PCDHGB6: variants seen among roughly 807,000 people sequenced by gnomAD.
PCDHGB6 encodes the protein protocadherin gamma-B6.
A neutral mutation model predicts 59.1 loss-of-function variants in PCDHGB6; 51 were observed. The observed-to-expected ratio is 0.86, with a 90% CI of 0.69 to 1.09. PCDHGB6 has a LOEUF of 1.09. PCDHGB6 is among the 50% of genes least tolerant of loss of function. PCDHGB6 has a pLI of 0.00. For synonymous variants in PCDHGB6, 466 were observed against 495.1 expected, an observed-to-expected ratio of 0.94 and a Z score of 0.78; for missense variants, 1,148 against 1,205.1, an observed-to-expected ratio of 0.95 and a Z score of 0.70.
chr5:141,481,689 C>T (rs1198127143), intron 1 of PCDHGB6, among the ~76,000 whole-genome samples: 1 of 152,102 alleles, frequency 6.6e-6, no homozygotes, highest in Non-Finnish European at 1.5e-5. Context: ...CCTGGTGGCT[C>T]ACGCCTGTAA....
chr5:141,478,384 T>G, intron 1 of PCDHGB6: 1 of 1,613,658 alleles, frequency 6.2e-7, no homozygotes, highest in South Asian at 1.1e-5. Context: ...CGCCGCACCT[T>G]TACCATCAGG....
chr5:141,429,204 A>ACACACACG, intron 1 of PCDHGB6: 1 of 150,162 alleles, frequency 6.7e-6, no homozygotes, highest in Non-Finnish European at 1.5e-5. Context: ...ACACACACAC[A>ACACACACG]CGTGTGAAAA....
chr5:141,413,385 A>C, intron 1 of PCDHGB6: 1 of 1,613,990 alleles, frequency 6.2e-7, no homozygotes, highest in South Asian at 1.1e-5. Flanking sequence ...GAGTCCGCAT[A>C]GTCTCCAGAG....
intron 1 of PCDHGB6, chr5:141,419,468 C>T: frequency 6.2e-7 from 1 of 1,612,484 alleles, no homozygotes; most frequent in Non-Finnish European, 8.5e-7. Flanking sequence ...GGCCCGCGAC[C>T]AGGGCTCGCC....
rs193229261 is a variant in PCDHGB6, at chr5:141,446,714, G to A, written c.2418+36094G>A. ...GCTGGTCTCGAACTCTGATCTGCCCGCCTCGGCCTCCCAAAGTGTGGGGAT... is the reference window on the plus strand; with the variant it reads ...GCTGGTCTCGAACTCTGATCTGCCCACCTCGGCCTCCCAAAGTGTGGGGAT... On this transcript the variant is annotated intron_variant, in intron 1 of 3. Transcript: ENST00000520790. Among the ~76,000 whole-genome samples the A allele has an allele frequency of 3.3e-3, 497 of 152,154 alleles. 2 individuals are homozygous for A. Among genetic ancestry groups the A allele is most frequent in the African/African-American group, 0.011 (450 of 41,528 alleles).
rs377367120 is a variant in PCDHGB6, at chr5:141,431,614, C to A, written c.2418+20994C>A. On this transcript the variant is annotated intron_variant, in intron 1 of 3. Transcript: ENST00000520790. The surrounding 1 kb of genome is among the most constrained non-coding windows in gnomAD (Gnocchi z 4.8). ...TGAGGTATTCCTTCCGGTATGTGGA[C>A]GACAAGGCGGCCCAAGTTTTCAAAC... The A allele has an allele frequency of 8.7e-6, 14 of 1,614,206 alleles. No individual in the cohort carries two copies. In the African/African-American group the frequency reaches 1.6e-4, roughly 18 times the overall value.
At chr5:141,416,093 C>T (rs1241017265) in intron 1 of PCDHGB6, 1 of 162,720 alleles carries the variant, frequency 6.1e-6, no homozygotes, top group Admixed American at 6.4e-5. Flanking sequence ...AGGAGAAGGG[C>T]AATAGGCCTT....
chr5:141,447,235 G>T (rs1458489257), intron 1 of PCDHGB6, among the ~76,000 whole-genome samples: 1 of 152,084 alleles, frequency 6.6e-6, no homozygotes, highest in Non-Finnish European at 1.5e-5. Flanking sequence ...CGCCTCCCGG[G>T]TTCAAGTGAT....
At chr5:141,473,939 C>T (rs1301939679) in intron 1 of PCDHGB6, among the ~76,000 whole-genome samples, 2 of 152,068 alleles carry the variant, frequency 1.3e-5, no homozygotes, top group African/African-American at 2.4e-5. Context: ...TGCAGTAGCT[C>T]AGGCCTGTAG....
At chr5:141,438,362 T>C (rs1471364176) in intron 1 of PCDHGB6, among the ~76,000 whole-genome samples, 1 of 151,850 alleles carries the variant, frequency 6.6e-6, no homozygotes, top group East Asian at 1.9e-4. Flanking sequence ...TGTATTGTCA[T>C]TGAGGGCAGA....
rs755130135 is a variant in PCDHGB6 at position 141,431,477 on chromosome 5, C to A, written c.2418+20857C>A. On this transcript the variant is annotated intron_variant, in intron 1 of 3. Coordinates refer to ENST00000520790, the MANE Select transcript of PCDHGB6 (RefSeq NM_018926.3). The surrounding 1 kb of genome is among the most constrained non-coding windows in gnomAD (Gnocchi z 4.8). ...GGTTCTGGATGCGAACGACAACGCA[C>A]CAGCGTTTGCTCAGCCCGAGTACCG... is the stretch of plus-strand genomic sequence containing the variant. 40 of 1,613,768 alleles carry A rather than the reference C, an allele frequency of 2.5e-5. No individual in the cohort carries two copies. The highest frequency in any genetic ancestry group is 3.3e-5 in the Admixed American group (2 of 60,008).
At chr5:141,473,902 G>C (rs1593464039) in intron 1 of PCDHGB6, among the ~76,000 whole-genome samples, 1 of 152,240 alleles carries the variant, frequency 6.6e-6, no homozygotes, top group South Asian at 2.1e-4. Context: ...GGTTCATGAA[G>C]AGGTCTTAAG....
chr5:141,415,400 C>G (rs754292889), intron 1 of PCDHGB6: 3 of 1,614,110 alleles, frequency 1.9e-6, no homozygotes, highest in Non-Finnish European at 2.5e-6. Context: ...GTGTCCGGCT[C>G]GCACTTTGTG....
At chr5:141,478,926 G>A in intron 1 of PCDHGB6, 1 of 687,216 alleles carries the variant, frequency 1.5e-6, no homozygotes, top group Non-Finnish European at 2.3e-6. Flanking sequence ...CTAACCAGTG[G>A]CAGCTTCTAG....
intron 1 of PCDHGB6, among the ~76,000 whole-genome samples, chr5:141,467,305 G>A (rs535466592): frequency 1.3e-5 from 2 of 152,078 alleles, no homozygotes; most frequent in African/African-American, 4.8e-5. Flanking sequence ...CACTCACCTC[G>A]GCCTCCCACA....
At chr5:141,508,408 C>T (rs938019804) in intron 3 of PCDHGB6, 1 of 152,180 alleles carries the variant, frequency 6.6e-6, no homozygotes, top group Non-Finnish European at 1.5e-5. Context: ...GCTTGAGCCA[C>T]GCAGAGACTT....
chr5:141,450,887 C>A (rs531604055), intron 1 of PCDHGB6, among the ~76,000 whole-genome samples: 1 of 148,582 alleles, frequency 6.7e-6, no homozygotes, highest in East Asian at 2.0e-4. Flanking sequence ...TGCAGTGGTG[C>A]GATATCGGCT....
At position 141,476,326 on chromosome 5, in the gene PCDHGB6, T is replaced by A. The variant is rs752845438; in HGVS notation, c.2419-18481T>A. Reference sequence around the variant, plus strand: ...CAGCCCGCAGGTTCCGGGTGGTGTCTGGAGCTAGCCGAAGATTCTTTGAGG... The same window carrying A: ...CAGCCCGCAGGTTCCGGGTGGTGTCAGGAGCTAGCCGAAGATTCTTTGAGG... On this transcript the variant is annotated intron_variant, in intron 1 of 3. Coordinates refer to ENST00000520790, the MANE Select transcript of PCDHGB6 (RefSeq NM_018926.3). This position sits in a 1 kb window ranked among gnomAD's most constrained non-coding sequence, Gnocchi z 7.6. The A allele has an allele frequency of 6.2e-7, 1 of 1,614,120 alleles. No individual in the cohort carries two copies. Among genetic ancestry groups the A allele is most frequent in the Non-Finnish European group, 8.5e-7 (1 of 1,180,034 alleles).
chr5:141,442,930 T>C (rs77210959), intron 1 of PCDHGB6, among the ~76,000 whole-genome samples: 6,420 of 152,302 alleles, frequency 0.042, 216 homozygotes, highest in African/African-American at 0.092. Flanking sequence ...TCATTTTCTA[T>C]TTAAGAAACT....
Sources: allele counts gnomAD v4.1 joint callset (sites outside exome capture counted in the v4.1 genomes callset), GRCh38; gene constraint gnomAD v4.1.1; non-coding constraint Gnocchi (gnomAD v3.1); transcripts MANE v1.5; gene names NCBI Gene and HGNC (gene_info 2026-07-23, HGNC 2026-07-21).